Variants in PRKD1 observed in about 807,000 individuals in gnomAD.
PRKD1 encodes the protein protein kinase D1.
In PRKD1, 63 loss-of-function variants were observed where a neutral mutation model predicts 95.9. That is an observed-to-expected ratio of 0.66 (90% CI 0.54 to 0.81). The LOEUF is 0.81. Ranked by LOEUF, PRKD1 falls within the 30% of genes least tolerant of loss-of-function variation. The probability of loss-of-function intolerance (pLI) is 0.00; values close to 1 mark genes in which losing one functional copy is unlikely to be tolerated. For synonymous variants in PRKD1, 425 were observed against 423.1 expected, an observed-to-expected ratio of 1.00 and a Z score of -0.05; for missense variants, 1,048 against 1,165.3, an observed-to-expected ratio of 0.90 and a Z score of 1.47.
At chr14:29,605,258 C>A (rs1161142443) in intron 13 of PRKD1, among the ~76,000 whole-genome samples, 2 of 152,094 alleles carry the variant, frequency 1.3e-5, no homozygotes, top group African/African-American at 4.8e-5. Flanking sequence ...TGCTTCAAGC[C>A]CACAAATGAA....
At chr14:29,807,086 T>A (rs1310238003) in intron 1 of PRKD1, among the ~76,000 whole-genome samples, 1 of 152,154 alleles carries the variant, frequency 6.6e-6, no homozygotes, top group Non-Finnish European at 1.5e-5. Flanking sequence ...GACAATCGTC[T>A]CCAGTGGTCT....
At chr14:29,695,881 G>A (rs1884487956) in intron 2 of PRKD1, among the ~76,000 whole-genome samples, 1 of 152,208 alleles carries the variant, frequency 6.6e-6, no homozygotes, top group Non-Finnish European at 1.5e-5. Context: ...AATGTAAAAT[G>A]GAAATATCTG....
chr14:29,849,146 G>T (rs1481214646), intron 1 of PRKD1, among the ~76,000 whole-genome samples: 1 of 152,190 alleles, frequency 6.6e-6, no homozygotes, highest in East Asian at 1.9e-4. Flanking sequence ...CATGGGGGCA[G>T]ACTTTCCCCT....
At chr14:29,687,783 C>T (rs962827174) in intron 2 of PRKD1, among the ~76,000 whole-genome samples, 1 of 152,200 alleles carries the variant, frequency 6.6e-6, no homozygotes, top group Non-Finnish European at 1.5e-5. Flanking sequence ...CAACAATTTA[C>T]CCACATCTAG....
At chr14:29,634,958 C>T (rs902853723) in intron 7 of PRKD1, among the ~76,000 whole-genome samples, 3 of 151,750 alleles carry the variant, frequency 2.0e-5, no homozygotes, top group African/African-American at 2.4e-5. Flanking sequence ...TGCTTGAACT[C>T]GGGAGGCAGA....
chr14:29,900,478 T>C (rs72660450), intron 1 of PRKD1, among the ~76,000 whole-genome samples: 11 of 152,154 alleles, frequency 7.2e-5, no homozygotes, highest in Non-Finnish European at 1.2e-4. Context: ...AAATGAAAAC[T>C]GACAAGTGAA....
chr14:29,747,290 A>C (rs941554750), intron 1 of PRKD1, among the ~76,000 whole-genome samples: 1 of 152,188 alleles, frequency 6.6e-6, no homozygotes, highest in Non-Finnish European at 1.5e-5. Context: ...AAAAACAAAA[A>C]GGGGAAAGTA....
chr14:29,732,323 T>G (rs563369681), intron 1 of PRKD1, among the ~76,000 whole-genome samples: 63 of 152,274 alleles, frequency 4.1e-4, no homozygotes, highest in African/African-American at 1.5e-3. Context: ...TATTTGTTGA[T>G]ACTTCTTTTT....
At position 29,885,649 on chromosome 14, in the gene PRKD1, T is replaced by A. The variant is rs77887140; in HGVS notation, c.264+41600A>T. Among the ~76,000 whole-genome samples the A allele has an allele frequency of 7.9e-5, 12 of 152,174 alleles. No individual in the cohort carries two copies. The East Asian group carries it at 2.3e-3, about 29-fold the overall frequency. On this transcript the variant is annotated intron_variant, in intron 1 of 17. Transcript: ENST00000331968. ...GGGTTAAGGGGAATTTCCCATTCTC[T>A]AAGGAGAAGACTTTAAATCAAAATA...
intron 1 of PRKD1, among the ~76,000 whole-genome samples, chr14:29,780,218 A>G (rs1416943316): frequency 6.6e-6 from 1 of 152,218 alleles, no homozygotes; most frequent in Non-Finnish European, 1.5e-5. Context: ...CATTCAGGAC[A>G]TAGGCATGGG....
intron 4 of PRKD1, among the ~76,000 whole-genome samples, chr14:29,648,921 TG>T (rs1016946440): frequency 1.3e-4 from 20 of 152,220 alleles, no homozygotes; most frequent in African/African-American, 4.8e-4. Flanking sequence ...CCCAAAGTGC[TG>T]GGATTACAGG....
At chr14:29,902,892 G>A (rs1894367516) in intron 1 of PRKD1, among the ~76,000 whole-genome samples, 1 of 152,100 alleles carries the variant, frequency 6.6e-6, no homozygotes, top group African/African-American at 2.4e-5. Flanking sequence ...ACGACTGTTA[G>A]AATTTTCGAG....
chr14:29,786,418 T>C (rs73259567), intron 1 of PRKD1, among the ~76,000 whole-genome samples: 6,455 of 152,196 alleles, frequency 0.042, 224 homozygotes, highest in African/African-American at 0.092. Flanking sequence ...AGAGTTGGTG[T>C]TAGTTCTTCT....
Position 29,687,179 on chromosome 14 carries a change from T to C in PRKD1, c.404-20971A>G, listed in dbSNP as rs1883931955. Among the ~76,000 whole-genome samples, 3 of 152,064 alleles carry C rather than the reference T, an allele frequency of 2.0e-5. No individual in the cohort carries two copies. In the South Asian group the frequency reaches 6.2e-4, roughly 32 times the overall value. On this transcript the variant is annotated intron_variant, in intron 2 of 17. Coordinates refer to ENST00000331968, the MANE Select transcript of PRKD1 (RefSeq NM_002742.3). ...AAAACAGAACAGAGAACTTGCATAG[T>C]ATTTGAAAACACTCTCTAATCTCTT...
At chr14:29,777,131 G>A (rs1038231326) in intron 1 of PRKD1, among the ~76,000 whole-genome samples, 3 of 152,140 alleles carry the variant, frequency 2.0e-5, no homozygotes, top group Non-Finnish European at 4.4e-5. Context: ...CCTTACAAGA[G>A]CTCCTGAAGG....
chr14:29,843,639 C>CT (rs1891959142), intron 1 of PRKD1, among the ~76,000 whole-genome samples: 1 of 152,154 alleles, frequency 6.6e-6, no homozygotes, highest in Non-Finnish European at 1.5e-5. Context: ...ATTTATTGAG[C>CT]ATCTATACTA....
At chr14:29,810,187 T>C (rs538247845) in intron 1 of PRKD1, among the ~76,000 whole-genome samples, 5 of 152,208 alleles carry the variant, frequency 3.3e-5, no homozygotes, top group African/African-American at 7.2e-5. Flanking sequence ...AAAAATATAA[T>C]AAAAGTTTGA....
intron 2 of PRKD1, among the ~76,000 whole-genome samples, chr14:29,666,881 T>C (rs1209351454): frequency 6.6e-6 from 1 of 152,140 alleles, no homozygotes; most frequent in Non-Finnish European, 1.5e-5. Flanking sequence ...TAATCAACCA[T>C]ATTCATGTTG....
intron 1 of PRKD1, among the ~76,000 whole-genome samples, chr14:29,759,728 G>A (rs1246302755): frequency 6.6e-6 from 1 of 152,158 alleles, no homozygotes; most frequent in Non-Finnish European, 1.5e-5. Flanking sequence ...ACGGCACGGT[G>A]GCAGAAACTG....
Sources: allele counts gnomAD v4.1 joint callset (sites outside exome capture counted in the v4.1 genomes callset), GRCh38; gene constraint gnomAD v4.1.1; transcripts MANE v1.5; gene names NCBI Gene and HGNC (gene_info 2026-07-23, HGNC 2026-07-21).